Variants in STPG2 observed in about 807,000 individuals in gnomAD.
The protein encoded by STPG2 is sperm-tail PG-rich repeat-containing protein 2.
STPG2 carries 56 observed loss-of-function variants against 54.2 expected under a neutral mutation model. The observed-to-expected ratio is 1.03, with a 90% CI of 0.83 to 1.29. The LOEUF is 1.29. Among genes scored for constraint, STPG2 ranks in the 50% most tolerant of loss-of-function variants. The pLI, the probability that STPG2 is intolerant of heterozygous loss-of-function variation, is 0.00. For missense variants in STPG2, 596 were observed against 544.9 expected (o/e 1.09, Z -0.93); for synonymous variants, 200 against 181.8 (o/e 1.10, Z -0.81).
intron 5 of STPG2, among the ~76,000 whole-genome samples, chr4:98,089,074 A>T (rs1738608418): frequency 6.6e-6 from 1 of 151,748 alleles, no homozygotes; most frequent in Admixed American, 6.6e-5. Context: ...TAATTTCAAT[A>T]GTTTTTGGAG....
At chr4:97,949,673 C>T (rs555089089) in intron 7 of STPG2, among the ~76,000 whole-genome samples, 28 of 152,068 alleles carry the variant, frequency 1.8e-4, no homozygotes, top group African/African-American at 5.1e-4. Context: ...AATTTTTGGC[C>T]GATGGTTATC....
At chr4:97,908,310 A>G (rs1299974732) in intron 8 of STPG2, among the ~76,000 whole-genome samples, 2 of 152,008 alleles carry the variant, frequency 1.3e-5, no homozygotes, top group African/African-American at 4.8e-5. Flanking sequence ...CAAAACCACA[A>G]TGAGATACCA....
intron 8 of STPG2, among the ~76,000 whole-genome samples, chr4:97,843,026 A>G (rs1432892910): frequency 6.6e-6 from 1 of 151,948 alleles, no homozygotes; most frequent in Non-Finnish European, 1.5e-5. Context: ...ACCATATAGT[A>G]CCCTAAATGA....
intron 10 of STPG2, among the ~76,000 whole-genome samples, chr4:97,692,510 T>A (rs920360326): frequency 6.6e-6 from 1 of 152,026 alleles, no homozygotes. Flanking sequence ...AAAATAATTT[T>A]AAAAAATGTA....
chr4:97,776,549 C>T (rs961799979), intron 9 of STPG2, among the ~76,000 whole-genome samples: 6 of 152,118 alleles, frequency 3.9e-5, no homozygotes, highest in East Asian at 1.9e-4. Flanking sequence ...AATATTACAG[C>T]GAGATGAATG....
chr4:97,659,203 T>G (rs754615506), intron 10 of STPG2, among the ~76,000 whole-genome samples: 4 of 152,166 alleles, frequency 2.6e-5, no homozygotes, highest in Admixed American at 6.5e-5. Context: ...TGGGTGAAAC[T>G]AAAGAGGATT....
At chr4:97,937,840 T>C (rs917709866) in intron 8 of STPG2, among the ~76,000 whole-genome samples, 35 of 152,154 alleles carry the variant, frequency 2.3e-4, no homozygotes, top group African/African-American at 8.4e-4. Context: ...CTGACCCCTG[T>C]TGGGGGCTGC....
At chr4:97,675,424 G>A (rs1382296022) in intron 10 of STPG2, among the ~76,000 whole-genome samples, 1 of 151,990 alleles carries the variant, frequency 6.6e-6, no homozygotes, top group Non-Finnish European at 1.5e-5. Flanking sequence ...TGAAAGCCCT[G>A]GAAATCCACC....
At chr4:98,112,766 A>G (rs1018857244) in intron 3 of STPG2, among the ~76,000 whole-genome samples, 6 of 152,138 alleles carry the variant, frequency 3.9e-5, no homozygotes, top group Non-Finnish European at 8.8e-5. Context: ...GCTATGTCCA[A>G]GTAGAATTCA....
intron 8 of STPG2, among the ~76,000 whole-genome samples, chr4:97,857,138 G>T (rs891309503): frequency 6.6e-6 from 1 of 152,104 alleles, no homozygotes; most frequent in Non-Finnish European, 1.5e-5. Flanking sequence ...TTGTATCTCT[G>T]CTATGTTTTG....
intron 5 of STPG2, among the ~76,000 whole-genome samples, chr4:98,052,377 G>GT (rs968104614): frequency 1.3e-5 from 2 of 152,162 alleles, no homozygotes; most frequent in Admixed American, 6.5e-5. Flanking sequence ...TAGCTCATTA[G>GT]TTTTTTTCAT....
intron 10 of STPG2, among the ~76,000 whole-genome samples, chr4:97,610,856 T>C (rs893613178): frequency 2.0e-5 from 3 of 151,792 alleles, no homozygotes; most frequent in African/African-American, 7.3e-5. Flanking sequence ...TGAAGGAAAA[T>C]AGTGCAACTG....
rs145615913 is a variant in STPG2 at position 97,806,287 on chromosome 4, G to A, written c.1204+34486C>T. Among the ~76,000 whole-genome samples, 554 of 152,218 alleles carry A rather than the reference G, an allele frequency of 3.6e-3. 2 individuals are homozygous for A. Among genetic ancestry groups the A allele is most frequent in the Middle Eastern group, 0.014 (4 of 294 alleles). ...AGAAGCAGAAAACCAAATACCACAT[G>A]TTCTTGCCTATAAATGGAAGCTAAA... On this transcript the variant is annotated intron_variant, in intron 9 of 10. Coordinates refer to ENST00000295268, the MANE Select transcript of STPG2 (RefSeq NM_174952.3).
At chr4:97,540,983 G>T (rs1266379452) in intron 4 of STPG2, among the ~76,000 whole-genome samples, 1 of 152,086 alleles carries the variant, frequency 6.6e-6, no homozygotes, top group African/African-American at 2.4e-5. Flanking sequence ...AATAATAAGA[G>T]GTATTTATGA....
chr4:97,953,986 A>G (rs1435269929), intron 7 of STPG2, among the ~76,000 whole-genome samples: 3 of 152,202 alleles, frequency 2.0e-5, no homozygotes, highest in Non-Finnish European at 2.9e-5. Flanking sequence ...AGAAACTACA[A>G]TAATTTTATT....
At chr4:98,055,118 G>T (rs1737441065) in intron 5 of STPG2, among the ~76,000 whole-genome samples, 1 of 152,124 alleles carries the variant, frequency 6.6e-6, no homozygotes, top group Non-Finnish European at 1.5e-5. Context: ...ACCTGAAACA[G>T]CCAATGGGAG....
At chr4:97,459,134 T>C (rs1352705214) in intron 4 of STPG2, among the ~76,000 whole-genome samples, 1 of 152,030 alleles carries the variant, frequency 6.6e-6, no homozygotes, top group Non-Finnish European at 1.5e-5. Flanking sequence ...GAATATATTC[T>C]CCAATAATAA....
At chr4:97,543,899 G>A (rs1164423776) in intron 4 of STPG2, among the ~76,000 whole-genome samples, 1 of 151,948 alleles carries the variant, frequency 6.6e-6, no homozygotes, top group Non-Finnish European at 1.5e-5. Flanking sequence ...TCAAATATTT[G>A]CATGATTAGC....
intron 5 of STPG2, among the ~76,000 whole-genome samples, chr4:97,994,520 CT>C (rs1735136710): frequency 6.6e-6 from 1 of 152,128 alleles, no homozygotes; most frequent in Admixed American, 6.6e-5. Context: ...ATTGCCTCCC[CT>C]ATCCCCTAGG....
Sources: allele counts gnomAD v4.1 joint callset (sites outside exome capture counted in the v4.1 genomes callset), GRCh38; gene constraint gnomAD v4.1.1; transcripts MANE v1.5; gene names NCBI Gene and HGNC (gene_info 2026-07-23, HGNC 2026-07-21).